CPAP: variants seen among roughly 807,000 people sequenced by gnomAD.
CPAP encodes the protein centrosomal P4.1-associated protein.
the CPAP span, among the ~76,000 whole-genome samples, chr13:24,903,194 T>A: frequency 5.3e-3 from 804 of 152,332 alleles, 21 homozygotes; most frequent in East Asian, 0.08. Context: ...AGACGATATG[T>A]CATACTATCG....
At chr13:24,905,531 T>C in the CPAP span, 1 of 1,614,076 alleles carries the variant, frequency 6.2e-7, no homozygotes, top group African/African-American at 1.3e-5. Context: ...TTTTATTGTT[T>C]TGTCCAGGAT....
chr13:24,906,279 C>T, the CPAP span: 8 of 1,602,016 alleles, frequency 5.0e-6, 1 homozygote, highest in Non-Finnish European at 4.3e-6. Flanking sequence ...AATGATATTT[C>T]ATCAGCAGCT....
the CPAP span, chr13:24,884,381 G>GTCT: frequency 1.2e-6 from 2 of 1,614,078 alleles, no homozygotes; most frequent in South Asian, 1.1e-5. Flanking sequence ...GACAGTGATG[G>GTCT]TCTTCCCATC....
the CPAP span, among the ~76,000 whole-genome samples, chr13:24,927,263 CT>C: frequency 6.6e-6 from 1 of 152,202 alleles, no homozygotes; most frequent in Non-Finnish European, 1.5e-5. Context: ...TCCCCTACCC[CT>C]GACATGGCTG....
the CPAP span, among the ~76,000 whole-genome samples, chr13:24,895,139 G>A: frequency 6.6e-6 from 1 of 152,264 alleles, no homozygotes; most frequent in Non-Finnish European, 1.5e-5. Context: ...GCAGAAGCCA[G>A]GGCAGGGAAG....
the CPAP span, among the ~76,000 whole-genome samples, chr13:24,916,791 G>A: frequency 1.3e-5 from 2 of 152,182 alleles, no homozygotes; most frequent in South Asian, 4.1e-4. Flanking sequence ...GAAAGTAAAT[G>A]TCCATTAACA....
chr13:24,901,927 G>A, the CPAP span, among the ~76,000 whole-genome samples: 1 of 152,172 alleles, frequency 6.6e-6, no homozygotes, highest in South Asian at 2.1e-4. Flanking sequence ...GGAGGCAGAG[G>A]TTGCAGTGAG....
At chr13:24,903,860 T>G in the CPAP span, 3 of 1,461,890 alleles carry the variant, frequency 2.1e-6, no homozygotes, top group Non-Finnish European at 2.9e-6. Context: ...AGACTGTTTA[T>G]AGATGGTCTT....
chr13:24,885,453 G>A, the CPAP span: 4 of 1,243,392 alleles, frequency 3.2e-6, no homozygotes, highest in Non-Finnish European at 3.6e-6. Flanking sequence ...TTCTGATATA[G>A]GGTTCTAGGA....
At chr13:24,896,587 C>T in the CPAP span, among the ~76,000 whole-genome samples, 1 of 152,198 alleles carries the variant, frequency 6.6e-6, no homozygotes, top group South Asian at 2.1e-4. Flanking sequence ...GGAAAGGCAT[C>T]AAGTTGCAAG....
chr13:24,884,157 G>C, the CPAP span: 5 of 1,613,986 alleles, frequency 3.1e-6, no homozygotes, highest in Middle Eastern at 1.6e-4. Context: ...GAGCAAGTTT[G>C]TACCTATTTG....
the CPAP span, chr13:24,904,080 C>T: frequency 1.9e-6 from 3 of 1,612,974 alleles, no homozygotes; most frequent in Non-Finnish European, 2.5e-6. Context: ...GCCATAAATA[C>T]TGAACTTCAA....
the CPAP span, among the ~76,000 whole-genome samples, chr13:24,917,128 T>C: frequency 1.3e-5 from 2 of 152,090 alleles, no homozygotes; most frequent in East Asian, 3.9e-4. Context: ...CGGGCACCTG[T>C]AGTCCCAGCT....
At chr13:24,883,285 G>A in the CPAP span, 1 of 1,613,672 alleles carries the variant, frequency 6.2e-7, no homozygotes, top group Non-Finnish European at 8.5e-7. Context: ...TTTTAACAGT[G>A]CCATCTGGGT....
At chr13:24,886,139 C>T in the CPAP span, 43 of 436,776 alleles carry the variant, frequency 9.8e-5, no homozygotes, top group Middle Eastern at 5.1e-4. Context: ...CACGCCCCCA[C>T]CAACAACAAA....
chr13:24,917,152 G>A, the CPAP span, among the ~76,000 whole-genome samples: 5 of 152,182 alleles, frequency 3.3e-5, no homozygotes, highest in African/African-American at 7.2e-5. Flanking sequence ...CGGGGAGGCT[G>A]AGGCAGAAGG....
the CPAP span, among the ~76,000 whole-genome samples, chr13:24,898,198 T>C: frequency 6.6e-6 from 1 of 152,144 alleles, no homozygotes; most frequent in African/African-American, 2.4e-5. Flanking sequence ...CCCCAGCCAA[T>C]AGTCTTATTT....
the CPAP span, chr13:24,912,698 C>A: frequency 6.2e-7 from 1 of 1,614,154 alleles, no homozygotes; most frequent in Non-Finnish European, 8.5e-7. Context: ...CTGTGACATG[C>A]CGCTACCTGT....
the CPAP span, among the ~76,000 whole-genome samples, chr13:24,888,094 A>C: frequency 6.6e-6 from 1 of 152,222 alleles, no homozygotes; most frequent in Non-Finnish European, 1.5e-5. Context: ...TTTCACAAAA[A>C]TAATTTTTTA....
Sources: allele counts gnomAD v4.1 joint callset (sites outside exome capture counted in the v4.1 genomes callset), GRCh38; gene constraint gnomAD v4.1.1; transcripts MANE v1.5; gene names NCBI Gene and HGNC (gene_info 2026-07-23, HGNC 2026-07-21).